Variants in EYS observed in about 807,000 individuals in gnomAD.
The protein encoded by EYS is protein eyes shut homolog.
A neutral mutation model predicts 282.1 loss-of-function variants in EYS; 250 were observed. That is an observed-to-expected ratio of 0.89 (90% CI 0.80 to 0.98). EYS has a LOEUF of 0.98. Ranked by LOEUF, EYS falls within the 50% of genes least tolerant of loss-of-function variation. The pLI is 0.00. For missense variants in EYS, 4,016 were observed against 3,709.0 expected, an observed-to-expected ratio of 1.08 and a Z score of -2.15; for synonymous variants, 1,355 against 1,282.9, an observed-to-expected ratio of 1.06 and a Z score of -1.20.
intron 41 of EYS, among the ~76,000 whole-genome samples, chr6:63,755,034 GTTGT>G (rs563825268): frequency 0.012 from 1,875 of 152,154 alleles, 30 homozygotes; most frequent in African/African-American, 0.043. Context: ...TTTTGATGGG[GTTGT>G]TTGTTTTTTT....
intron 12 of EYS, among the ~76,000 whole-genome samples, chr6:65,169,951 T>C (rs1453947126): frequency 6.6e-6 from 1 of 151,570 alleles, no homozygotes; most frequent in African/African-American, 2.4e-5. Flanking sequence ...TTGCCTTGAA[T>C]TGTATGCAAT....
chr6:65,085,890 G>A lies in EYS; in HGVS notation c.2024-28163C>T, dbSNP rs537482461. On this transcript the variant is annotated intron_variant, in intron 12 of 42. Coordinates refer to ENST00000503581, the MANE Select transcript of EYS (RefSeq NM_001142800.2). ...CTTGCATAGTTATCCTTTCCTTCAA[G>A]GACCAGCTCAAATATTACTGCACTT... Among the ~76,000 whole-genome samples, 8 of 151,920 alleles carry A rather than the reference G, an allele frequency of 5.3e-5. 1 individual carries two copies. The South Asian group carries it at 1.3e-3, about 24-fold the overall frequency.
At chr6:63,886,286 T>C (rs775248387) in intron 35 of EYS, among the ~76,000 whole-genome samples, 36 of 152,294 alleles carry the variant, frequency 2.4e-4, no homozygotes, top group Non-Finnish European at 3.8e-4. Context: ...GGGTTAAAAG[T>C]TGATATATTT....
chr6:65,410,033 A>G (rs1350824057), intron 5 of EYS, among the ~76,000 whole-genome samples: 1 of 152,080 alleles, frequency 6.6e-6, no homozygotes, highest in Non-Finnish European at 1.5e-5. Context: ...ACATTAACAT[A>G]ATGTTTTCCT....
At chr6:64,782,744 T>C (rs1333335761) in intron 22 of EYS, among the ~76,000 whole-genome samples, 1 of 152,222 alleles carries the variant, frequency 6.6e-6, no homozygotes, top group Non-Finnish European at 1.5e-5. Flanking sequence ...TTAAAGTCCA[T>C]ATGTAAAAGA....
At chr6:64,236,127 G>T (rs1766598454) in intron 30 of EYS, among the ~76,000 whole-genome samples, 1 of 152,118 alleles carries the variant, frequency 6.6e-6, no homozygotes, top group South Asian at 2.1e-4. Context: ...TATCCACCAT[G>T]ATCAAGTGGG....
chr6:63,894,830 G>C (rs141685219), intron 35 of EYS, among the ~76,000 whole-genome samples: 1 of 151,810 alleles, frequency 6.6e-6, no homozygotes, highest in Non-Finnish European at 1.5e-5. Flanking sequence ...CTCGTGATCC[G>C]GCTGCCTCGG....
At chr6:64,014,368 G>GTT (rs149536813) in intron 33 of EYS, among the ~76,000 whole-genome samples, 68 of 151,802 alleles carry the variant, frequency 4.5e-4, no homozygotes, top group African/African-American at 1.6e-3. Context: ...TAAGTATGTA[G>GTT]TTTTTTTGTT....
intron 41 of EYS, among the ~76,000 whole-genome samples, chr6:63,754,579 T>A (rs573037397): frequency 6.6e-6 from 1 of 152,226 alleles, no homozygotes. Flanking sequence ...ATTTTCTTTA[T>A]CCAGTCTATC....
At chr6:64,833,134 G>A (rs1248082435) in intron 19 of EYS, among the ~76,000 whole-genome samples, 4 of 151,736 alleles carry the variant, frequency 2.6e-5, no homozygotes, top group African/African-American at 9.7e-5. Flanking sequence ...CTTATTTCTT[G>A]TACTTCAATA....
intron 35 of EYS, among the ~76,000 whole-genome samples, chr6:63,940,788 C>A (rs1765211955): frequency 6.6e-6 from 1 of 151,368 alleles, no homozygotes; most frequent in Non-Finnish European, 1.5e-5. Flanking sequence ...CACCCATTAA[C>A]TCATCATTTA....
At chr6:65,321,925 C>A (rs1450769588) in intron 11 of EYS, among the ~76,000 whole-genome samples, 1 of 152,172 alleles carries the variant, frequency 6.6e-6, no homozygotes, top group Non-Finnish European at 1.5e-5. Context: ...GGAGAATAGG[C>A]AAGTCACTTA....
intron 12 of EYS, among the ~76,000 whole-genome samples, chr6:65,103,916 T>C (rs1774963951): frequency 6.6e-6 from 1 of 151,454 alleles, no homozygotes; most frequent in Non-Finnish European, 1.5e-5. Context: ...TCTTCAGGCC[T>C]AACAAACTCC....
In EYS at chr6:64,168,611, AC is replaced by A. The variant is rs1430168068; in HGVS notation, c.6424+61980del. Among the ~76,000 whole-genome samples, 5 of 152,246 alleles carry A rather than the reference AC, an allele frequency of 3.3e-5. No homozygotes were observed. In the South Asian group the frequency reaches 1.0e-3, roughly 31 times the overall value. Reference sequence around the variant, plus strand: ...ACTCAGCAATAAAAAGCAGTAAAAAACATTATGCTAAGTAAAAATAAAACAA... The same window carrying A: ...ACTCAGCAATAAAAAGCAGTAAAAAAATTATGCTAAGTAAAAATAAAACAA... On this transcript the variant is annotated intron_variant, in intron 31 of 42. Coordinates refer to ENST00000503581, the MANE Select transcript of EYS (RefSeq NM_001142800.2).
intron 15 of EYS, among the ~76,000 whole-genome samples, chr6:64,945,466 G>A (rs1322936351): frequency 6.6e-6 from 1 of 152,118 alleles, no homozygotes; most frequent in African/African-American, 2.4e-5. Context: ...TTGTCAGAGT[G>A]TGGTAGTTCT....
intron 22 of EYS, among the ~76,000 whole-genome samples, chr6:64,668,400 G>A (rs1008836013): frequency 2.6e-5 from 4 of 152,036 alleles, no homozygotes; most frequent in Admixed American, 1.3e-4. Context: ...ATTGGAAAAG[G>A]TCAAAATAAC....
At chr6:63,960,481 G>A (rs1582035837) in intron 35 of EYS, among the ~76,000 whole-genome samples, 1 of 152,202 alleles carries the variant, frequency 6.6e-6, no homozygotes, top group East Asian at 1.9e-4. Flanking sequence ...CATAAACCTG[G>A]TTGATAAAGC....
chr6:64,527,489 AT>A (rs1777962175), intron 26 of EYS, among the ~76,000 whole-genome samples: 1 of 151,852 alleles, frequency 6.6e-6, no homozygotes, highest in Non-Finnish European at 1.5e-5. Context: ...GACCATATAC[AT>A]TCTGAAACAC....
chr6:64,356,488 C>T (rs1205822860), intron 29 of EYS, among the ~76,000 whole-genome samples: 2 of 151,668 alleles, frequency 1.3e-5, no homozygotes, highest in Non-Finnish European at 3.0e-5. Flanking sequence ...TGTGTTTAAT[C>T]ATGTGTAGAA....
Sources: gnomAD v4.1 joint callset for allele counts (sites outside exome capture counted in the v4.1 genomes callset) on GRCh38, gnomAD v4.1.1 for gene constraint, MANE v1.5 for transcripts, NCBI Gene and HGNC (gene_info 2026-07-23, HGNC 2026-07-21) for gene names.